Variants in USP26 observed in about 807,000 individuals in gnomAD.
USP26 encodes ubiquitin specific peptidase 26.
For synonymous variants in USP26, 236 were observed against 240.6 expected, an observed-to-expected ratio of 0.98 and a Z score of 0.18; for missense variants, 649 against 642.3, an observed-to-expected ratio of 1.01 and a Z score of -0.11.
chrX:133,088,665 C>A (rs755017920), intron 4 of USP26, among the ~76,000 whole-genome samples: 7 of 112,160 alleles, frequency 6.2e-5, no homozygotes, highest in African/African-American at 2.3e-4. Flanking sequence ...AGGTTTCTAC[C>A]TCTTGGGCTT....
chrX:133,058,051 G>C (rs1428921802), intron 5 of USP26, among the ~76,000 whole-genome samples: 1 of 99,923 alleles, frequency 1.0e-5, no homozygotes. Context: ...CTAATTTTTT[G>C]TATTTTTTTT....
At chrX:133,048,671 G>A (rs997200495) in intron 5 of USP26, among the ~76,000 whole-genome samples, 4 of 110,079 alleles carry the variant, frequency 3.6e-5, no homozygotes, top group Non-Finnish European at 7.6e-5. Flanking sequence ...CTCAGCCTCC[G>A]GAGTAGCTGG....
At chrX:133,092,700 T>C (rs1014596298) in intron 1 of USP26, among the ~76,000 whole-genome samples, 1 of 111,767 alleles carries the variant, frequency 8.9e-6, no homozygotes, top group Non-Finnish European at 1.9e-5. Flanking sequence ...TTCTAAATTC[T>C]AGGGTTAAAT....
At chrX:133,072,658 T>C (rs1367553503) in intron 5 of USP26, among the ~76,000 whole-genome samples, 1 of 112,928 alleles carries the variant, frequency 8.9e-6, no homozygotes, top group Non-Finnish European at 1.9e-5. Context: ...GCAAGAATTT[T>C]GGTCCTTATA....
chrX:133,064,660 A>T (rs185738666), intron 5 of USP26, among the ~76,000 whole-genome samples: 1 of 111,995 alleles, frequency 8.9e-6, no homozygotes, highest in African/African-American at 3.2e-5. Context: ...AGAAATATCA[A>T]AGTTCTTTGA....
intron 5 of USP26, among the ~76,000 whole-genome samples, chrX:133,037,113 A>G (rs1472038742): frequency 9.0e-6 from 1 of 111,723 alleles, no homozygotes; most frequent in East Asian, 2.8e-4. Flanking sequence ...AATTTCTCCC[A>G]TTTGGTAGGT....
chrX:133,040,950 A>G (rs763382613), intron 5 of USP26, among the ~76,000 whole-genome samples: 2 of 109,397 alleles, frequency 1.8e-5, no homozygotes, highest in South Asian at 7.9e-4. Context: ...GGTGATCTTC[A>G]TTCTGTGATA....
At position 133,027,201 on chromosome X, in the gene USP26, C is replaced by T; in HGVS notation, c.1020G>A (p.Met340Ile). ...TAAAAAAAAGTAGCCGTGCCAAGCA[C>T]ATGGTAAGAGCATTAAGGGGAATTT... ...WGKIPLNALT[M>I]CLARLLFFKD... Residue 340 changes from methionine to isoleucine, a missense_variant, in exon 6 of 6, where the codon ATG becomes ATA. Coordinates refer to ENST00000511190, the MANE Select transcript of USP26 (RefSeq NM_031907.3). 1 of 1,209,553 alleles carries T rather than the reference C, an allele frequency of 8.3e-7. No individual in the cohort carries two copies. The highest frequency in any genetic ancestry group is 1.1e-6 in the Non-Finnish European group (1 of 894,026).
At chrX:133,037,076 C>T (rs1170331674) in intron 5 of USP26, among the ~76,000 whole-genome samples, 1 of 111,765 alleles carries the variant, frequency 8.9e-6, no homozygotes, top group Non-Finnish European at 1.9e-5. Context: ...GGATATTAGA[C>T]TTTTGTCAGA....
chrX:133,051,554 A>G (rs1402997595), intron 5 of USP26, among the ~76,000 whole-genome samples: 7 of 112,083 alleles, frequency 6.2e-5, no homozygotes, highest in African/African-American at 2.3e-4. Flanking sequence ...GTTTAAGACT[A>G]AAAGTTGAGA....
At chrX:133,059,393 G>A (rs752954065) in intron 5 of USP26, among the ~76,000 whole-genome samples, 4 of 111,097 alleles carry the variant, frequency 3.6e-5, no homozygotes, top group Admixed American at 9.7e-5. Context: ...ACCTCTTTAA[G>A]GCTCAGCATC....
At chrX:133,076,098 A>T (rs189755600) in intron 5 of USP26, among the ~76,000 whole-genome samples, 126 of 111,757 alleles carry the variant, frequency 1.1e-3, no homozygotes, top group African/African-American at 3.9e-3. Context: ...AAAAATTTCC[A>T]TATGATTAAG....
chrX:133,094,015 C>G (rs191209465), intron 1 of USP26, among the ~76,000 whole-genome samples: 23 of 103,112 alleles, frequency 2.2e-4, no homozygotes, highest in Non-Finnish European at 4.1e-4. Flanking sequence ...AAGAGTAAAC[C>G]AGGCCAAAGA....
intron 5 of USP26, among the ~76,000 whole-genome samples, chrX:133,072,521 T>C (rs936613219): frequency 1.8e-5 from 2 of 112,479 alleles, no homozygotes; most frequent in Non-Finnish European, 3.8e-5. Flanking sequence ...AAATGGCATG[T>C]AAAGAAAAAT....
chrX:133,077,032 C>A (rs1277887178), intron 5 of USP26, among the ~76,000 whole-genome samples: 1 of 112,116 alleles, frequency 8.9e-6, no homozygotes, highest in Non-Finnish European at 1.9e-5. Context: ...TGGGGACAGC[C>A]TCCTGTAGCA....
At position 133,026,232 on chromosome X, in the gene USP26, A is replaced by G. The variant is rs756439370; in HGVS notation, c.1989T>C (p.Asp663=). The G allele has an allele frequency of 8.3e-7, 1 of 1,210,330 alleles. No individual in the cohort carries two copies. Among genetic ancestry groups the G allele is most frequent in the South Asian group, 1.8e-5 (1 of 56,898 alleles). Residue 663 remains aspartate, a synonymous_variant, in exon 6 of 6, where the codon GAT becomes GAC. Transcript: ENST00000511190. ...PLAHLMTYLE[D]TSLCQFHKAG... is the part of the protein sequence containing the mutation. ...CTTTGTGGAACTGACAAAGTGAGGT[A>G]TCTTCCAGATACGTCATTAAGTGAG... is the stretch of plus-strand genomic sequence containing the variant.
At chrX:133,066,694 C>T (rs985471942) in intron 5 of USP26, among the ~76,000 whole-genome samples, 1 of 111,838 alleles carries the variant, frequency 8.9e-6, no homozygotes, top group Non-Finnish European at 1.9e-5. Context: ...AAGTGAATCC[C>T]TTCCTTCCAC....
intron 5 of USP26, among the ~76,000 whole-genome samples, chrX:133,072,195 A>G (rs2067532775): frequency 8.9e-6 from 1 of 112,118 alleles, no homozygotes; most frequent in African/African-American, 3.2e-5. Flanking sequence ...GTGATCAAAG[A>G]AAATGTTAAG....
chrX:133,045,556 A>G lies in USP26; in HGVS notation c.-76-17260T>C, dbSNP rs142379580. On this transcript the variant is annotated intron_variant, in intron 5 of 5. Transcript: ENST00000511190. Reference sequence around the variant, plus strand: ...CTTTATGAGCTGTAACATTCATCGCAAAGGTCTACACCTTCACTCCTGAAG... The same window carrying G: ...CTTTATGAGCTGTAACATTCATCGCGAAGGTCTACACCTTCACTCCTGAAG... 8.7e-3 allele frequency among the ~76,000 whole-genome samples: 975 copies of G among 111,851 alleles called. 15 individuals carry two copies. The highest frequency in any genetic ancestry group is 0.03 in the African/African-American group (909 of 30,755).
Sources: allele counts gnomAD v4.1 joint callset (sites outside exome capture counted in the v4.1 genomes callset), GRCh38; gene constraint gnomAD v4.1.1; transcripts MANE v1.5; gene names NCBI Gene and HGNC (gene_info 2026-07-23, HGNC 2026-07-21).